LUZP1: variants seen among roughly 807,000 people sequenced by gnomAD.
LUZP1 encodes leucine zipper protein 1.
LUZP1 carries 25 observed loss-of-function variants against 71.3 expected under a neutral mutation model. The ratio of observed to expected loss-of-function variants is 0.35; its 90% confidence interval spans 0.26 to 0.49. The LOEUF (loss-of-function observed/expected upper bound fraction) is 0.49. Among genes scored for constraint, LUZP1 ranks in the 20% least tolerant of loss-of-function variants. The probability of loss-of-function intolerance (pLI) is 0.99; values close to 1 mark genes in which losing one functional copy is unlikely to be tolerated. For missense variants in LUZP1, 1,142 were observed against 1,300.8 expected (o/e 0.88, Z 1.88); for synonymous variants, 481 against 506.4 (o/e 0.95, Z 0.67).
intron 3 of LUZP1, among the ~76,000 whole-genome samples, chr1:23,099,731 A>G (rs1264514134): frequency 6.6e-6 from 1 of 152,214 alleles, no homozygotes; most frequent in Non-Finnish European, 1.5e-5. Context: ...AGTACAGGCA[A>G]TGAAAAAGCT....
intron 2 of LUZP1, among the ~76,000 whole-genome samples, chr1:23,136,305 C>CACACAA (rs1296128232): frequency 2.1e-5 from 3 of 145,674 alleles, no homozygotes; most frequent in Non-Finnish European, 4.6e-5. Context: ...AACACACACA[C>CACACAA]ACACACACAC....
chr1:23,138,353 G>A (rs1569645967), intron 2 of LUZP1, among the ~76,000 whole-genome samples: 1 of 152,236 alleles, frequency 6.6e-6, no homozygotes, highest in Admixed American at 6.5e-5. Context: ...TACAAAATGT[G>A]GATGAACCTG....
chr1:23,169,314 G>A (rs1644536902), intron 1 of LUZP1, among the ~76,000 whole-genome samples: 1 of 152,214 alleles, frequency 6.6e-6, no homozygotes, highest in South Asian at 2.1e-4. Context: ...CTGCACTCCG[G>A]CGTGGGTGAC....
At chr1:23,157,578 G>A (rs1644429892) in intron 2 of LUZP1, among the ~76,000 whole-genome samples, 1 of 152,004 alleles carries the variant, frequency 6.6e-6, no homozygotes, top group Non-Finnish European at 1.5e-5. Flanking sequence ...ATCACCTGAG[G>A]TCAGGAGTTC....
intron 2 of LUZP1, among the ~76,000 whole-genome samples, chr1:23,132,780 C>CATT (rs1644224947): frequency 6.6e-6 from 1 of 152,072 alleles, no homozygotes; most frequent in Non-Finnish European, 1.5e-5. Context: ...AATGAATAGT[C>CATT]TAATAAGTAT....
intron 2 of LUZP1, among the ~76,000 whole-genome samples, chr1:23,121,586 G>A (rs187571097): frequency 6.6e-5 from 10 of 152,252 alleles, no homozygotes; most frequent in Admixed American, 2.6e-4. Context: ...CAGGCGTAGT[G>A]GCACACACCT....
intron 2 of LUZP1, among the ~76,000 whole-genome samples, chr1:23,131,754 C>T (rs983058749): frequency 1.3e-5 from 2 of 152,136 alleles, no homozygotes; most frequent in Admixed American, 6.5e-5. Flanking sequence ...GGCGTGATCT[C>T]GGCTCACCGC....
At chr1:23,109,095 C>G (rs1424460377) in exon 3 of LUZP1, 1 of 152,222 alleles carries the variant, frequency 6.6e-6, no homozygotes, top group East Asian at 1.9e-4. Flanking sequence ...GAAACAGTCA[C>G]TCACTCTCTT....
chr1:23,121,131 A>G (rs1476812703), intron 2 of LUZP1, among the ~76,000 whole-genome samples: 1 of 152,250 alleles, frequency 6.6e-6, no homozygotes, highest in African/African-American at 2.4e-5. Flanking sequence ...AAGCTAAAAA[A>G]ATAAGGGGAA....
intron 1 of LUZP1, chr1:23,177,361 AC>A: frequency 1.3e-5 from 2 of 152,444 alleles, no homozygotes; most frequent in Non-Finnish European, 2.9e-5. Context: ...CAAGAACGTA[AC>A]CCCCGCCCCC....
At chr1:23,162,439 TTTA>T (rs898343438) in intron 2 of LUZP1, among the ~76,000 whole-genome samples, 13 of 149,926 alleles carry the variant, frequency 8.7e-5, no homozygotes, top group African/African-American at 3.3e-4. Flanking sequence ...GTAATATACT[TTTA>T]TTTTTTTTTT....
At chr1:23,085,677 C>T (rs967569766) in exon 5 of LUZP1, 3 of 152,360 alleles carry the variant, frequency 2.0e-5, no homozygotes, top group East Asian at 1.9e-4. Flanking sequence ...ACTCCACTGA[C>T]GGGGGTTATT....
At chr1:23,103,152 G>T (rs1643944944) in intron 3 of LUZP1, among the ~76,000 whole-genome samples, 1 of 150,930 alleles carries the variant, frequency 6.6e-6, no homozygotes. Flanking sequence ...GACCAGGCTG[G>T]TCCCAAACTC....
rs574737356 is a variant in LUZP1 at position 23,097,954 on chromosome 1, C to T, written c.-119-3574G>A. Among the ~76,000 whole-genome samples, 6 of 152,234 alleles carry T rather than the reference C, an allele frequency of 3.9e-5. No homozygotes were observed. In the East Asian group the frequency reaches 7.7e-4, roughly 20 times the overall value. On this transcript the variant is annotated intron_variant, in intron 3 of 4. Transcript: ENST00000302291. ...TACCATCAATTCAAATGGAGATGAC[C>T]GCAGATGGAGCAGTCTGAGAAGGAA...
At chr1:23,092,547 C>A (rs770049424) in exon 4 of LUZP1, 2 of 1,614,058 alleles carry the variant, frequency 1.2e-6, no homozygotes, top group African/African-American at 2.7e-5. Flanking sequence ...TGAGGAGGAT[C>A]TTCGAGATGA....
intron 2 of LUZP1, among the ~76,000 whole-genome samples, chr1:23,156,333 T>C (rs1438133043): frequency 6.6e-6 from 1 of 151,976 alleles, no homozygotes; most frequent in Non-Finnish European, 1.5e-5. Flanking sequence ...TGAGCCGAGA[T>C]CATGCCACTG....
At chr1:23,103,845 AGGGAGGGAGGGAG>A (rs1643953155) in intron 3 of LUZP1, among the ~76,000 whole-genome samples, 1 of 3,160 alleles carries the variant, frequency 3.2e-4, no homozygotes, top group Non-Finnish European at 6.8e-4. Context: ...GGAGAGAGGG[AGGGAGGGAGGGAG>A]GGAGGGAGGG....
chr1:23,157,447 C>G (rs1458072264), intron 2 of LUZP1, among the ~76,000 whole-genome samples: 2 of 111,248 alleles, frequency 1.8e-5, no homozygotes, highest in Admixed American at 2.3e-4. Flanking sequence ...AAGGCTGAGG[C>G]AGGAGGATCG....
chr1:23,165,068 T>C (rs1334090402), intron 2 of LUZP1, among the ~76,000 whole-genome samples: 2 of 152,244 alleles, frequency 1.3e-5, no homozygotes, highest in East Asian at 3.8e-4. Context: ...TCTCTCCTTA[T>C]TCTTCCTATT....
Sources: allele counts gnomAD v4.1 joint callset (sites outside exome capture counted in the v4.1 genomes callset), GRCh38; gene constraint gnomAD v4.1.1; transcripts MANE v1.5; gene names NCBI Gene and HGNC (gene_info 2026-07-23, HGNC 2026-07-21).